Variants in ADAM9 observed in about 807,000 individuals in gnomAD.
ADAM9 encodes disintegrin and metalloproteinase domain-containing protein 9.
In ADAM9, 54 loss-of-function variants were observed where a neutral mutation model predicts 108.1. The ratio of observed to expected loss-of-function variants is 0.50; its 90% CI spans 0.40 to 0.63. ADAM9 has a LOEUF of 0.63. ADAM9 is among the 20% of genes least tolerant of loss of function. The pLI, the probability that ADAM9 is intolerant of heterozygous loss-of-function variation, is 0.00. For synonymous variants in ADAM9, 316 were observed against 336.0 expected, an observed-to-expected ratio of 0.94 and a Z score of 0.65; for missense variants, 830 against 997.7, an observed-to-expected ratio of 0.83 and a Z score of 2.26.
chr8:39,065,383 G>A (rs1281061235), intron 14 of ADAM9, among the ~76,000 whole-genome samples: 3 of 151,346 alleles, frequency 2.0e-5, no homozygotes, highest in African/African-American at 7.3e-5. Flanking sequence ...GGCCAGGCGC[G>A]GTGGCTCACG....
chr8:39,041,961 T>C lies in ADAM9; in HGVS notation c.1146T>C (p.Phe382=). 1.9e-6 allele frequency: 3 copies of C among 1,614,018 alleles called. No homozygotes were observed. The highest frequency in any genetic ancestry group is 2.7e-5 in the African/African-American group (2 of 75,054). Residue 382 remains phenylalanine, a synonymous_variant, in exon 12 of 22, where the codon TTT becomes TTC. Transcript: ENST00000487273. ...MNSGASGSRN[F]SSCSAEDFEK... is the part of the protein sequence containing the mutation. ...TTTATTATAGGGGTTCCAGAAACTTTAGCAGTTGCAGTGCAGAGGACTTTG... is the reference window on the plus strand; with the variant it reads ...TTTATTATAGGGGTTCCAGAAACTTCAGCAGTTGCAGTGCAGAGGACTTTG...
intron 8 of ADAM9, among the ~76,000 whole-genome samples, chr8:39,022,373 C>T (rs1001515115): frequency 6.6e-6 from 1 of 152,026 alleles, no homozygotes; most frequent in South Asian, 2.1e-4. Flanking sequence ...TTATCTGAAA[C>T]CTCTGATGTA....
chr8:39,088,988 G>A (rs1013794872), intron 18 of ADAM9, among the ~76,000 whole-genome samples: 1 of 152,116 alleles, frequency 6.6e-6, no homozygotes, highest in African/African-American at 2.4e-5. Context: ...GGTGGCTCAC[G>A]CCTGTAATCC....
chr8:39,013,932 A>C, intron 3 of ADAM9, 33 bp from the exon 4 acceptor site: 2 of 1,521,456 alleles, frequency 1.3e-6, no homozygotes, highest in Non-Finnish European at 1.8e-6. Context: ...GATAGATAAC[A>C]TATATATAAA....
At chr8:39,066,342 G>A (rs1164935652) in intron 14 of ADAM9, among the ~76,000 whole-genome samples, 2 of 152,194 alleles carry the variant, frequency 1.3e-5, no homozygotes, top group Non-Finnish European at 2.9e-5. Flanking sequence ...CTTCCACAAT[G>A]GTTGAACTAG....
chr8:39,033,752 TAAATATGG>T (rs1024437768), intron 11 of ADAM9, among the ~76,000 whole-genome samples: 131 of 152,310 alleles, frequency 8.6e-4, no homozygotes, highest in African/African-American at 3.1e-3. Context: ...CAAAGTTATT[TAAATATGG>T]AAAGAATGTG....
At chr8:39,021,220 A>G (rs1459813642) in intron 7 of ADAM9, among the ~76,000 whole-genome samples, 1 of 152,170 alleles carries the variant, frequency 6.6e-6, no homozygotes, top group African/African-American at 2.4e-5. Flanking sequence ...AAATGTCTAA[A>G]TGCCTCAATT....
intron 14 of ADAM9, among the ~76,000 whole-genome samples, chr8:39,068,449 T>G (rs10112379): frequency 0.14 from 20,866 of 151,484 alleles, 3,029 homozygotes; most frequent in African/African-American, 0.37. Context: ...CCGAGGCATG[T>G]GGATTGCCTG....
chr8:39,084,155 C>A (rs1006108835), intron 18 of ADAM9, among the ~76,000 whole-genome samples: 1 of 152,176 alleles, frequency 6.6e-6, no homozygotes, highest in African/African-American at 2.4e-5. Flanking sequence ...CTGTTTAAAT[C>A]TTTTTTCCAG....
intron 12 of ADAM9, 94 bp from the exon 13 acceptor site, chr8:39,054,387 A>C: frequency 1.8e-6 from 2 of 1,103,432 alleles, no homozygotes; most frequent in East Asian, 5.0e-5. Context: ...TCATGTTAGA[A>C]TGAAGTAGAT....
At chr8:39,044,582 TCAGCCCTCACTCTCCTCCTACCCTCTC>T (rs71552831) in intron 12 of ADAM9, among the ~76,000 whole-genome samples, 119,557 of 150,616 alleles carry the variant, frequency 0.79, 47,681 homozygotes, top group East Asian at 0.94. Flanking sequence ...AAATAATTTG[TCAGCCCTCACTCTCCTCCTACCCTCTC>T]CAGCCCTCAC....
chr8:39,018,114 G>C (rs1836604770), intron 6 of ADAM9, among the ~76,000 whole-genome samples: 1 of 152,156 alleles, frequency 6.6e-6, no homozygotes, highest in Non-Finnish European at 1.5e-5. Flanking sequence ...GTGTCTCTTA[G>C]ACTGAAATGG....
At chr8:39,043,813 A>T (rs1837529220) in intron 12 of ADAM9, among the ~76,000 whole-genome samples, 1 of 152,046 alleles carries the variant, frequency 6.6e-6, no homozygotes, top group Non-Finnish European at 1.5e-5. Context: ...AGTGTCTGTT[A>T]TTCCACTCTG....
rs1014885443 is a variant in ADAM9 at position 38,997,053 on chromosome 8, A to G, written c.-11A>G. On this transcript the variant is annotated 5_prime_UTR_variant, in exon 1 of 22. Coordinates refer to ENST00000487273, the MANE Select transcript of ADAM9 (RefSeq NM_003816.3). Reference sequence around the variant, plus strand: ...ACCGAGTGCTGAGAGGAACCTGCGGAATCGGCCGAGATGGGGTCTGGCGCG... The same window carrying G: ...ACCGAGTGCTGAGAGGAACCTGCGGGATCGGCCGAGATGGGGTCTGGCGCG... 6.2e-7 allele frequency: 1 copy of G among 1,605,940 alleles called. No homozygotes were observed. The highest frequency in any genetic ancestry group is 1.1e-5 in the South Asian group (1 of 90,974).
In ADAM9 at chr8:39,047,614, T is replaced by C. The variant is rs150566427; in HGVS notation, c.1302+5497T>C. On this transcript the variant is annotated intron_variant, in intron 12 of 21. Transcript: ENST00000487273. ...TTTATAGTAGTCTTTTATAATTCTT[T>C]TTATTTATGGCATCAGTTGAAATGT... Among the ~76,000 whole-genome samples the C allele has an allele frequency of 4.5e-3, 680 of 152,274 alleles. 3 individuals carry two copies. Among genetic ancestry groups the C allele is most frequent in the African/African-American group, 0.016 (650 of 41,570 alleles).
chr8:39,016,207 C>T lies in ADAM9; in HGVS notation c.410+13C>T. The T allele has an allele frequency of 1.9e-6, 3 of 1,605,498 alleles. No individual in the cohort carries two copies. Among genetic ancestry groups the T allele is most frequent in the Non-Finnish European group, 2.6e-6 (3 of 1,172,422 alleles). ...GTTTTGGACTCAGGTAAGCAATTTC[C>T]TTTATCTTCTTTTTTTTTGTTTCCC... is the stretch of plus-strand genomic sequence containing the variant. On this transcript the variant is annotated intron_variant, in intron 5 of 21. Transcript: ENST00000487273.
intron 14 of ADAM9, among the ~76,000 whole-genome samples, chr8:39,063,938 T>C (rs951909920): frequency 5.3e-5 from 8 of 152,210 alleles, no homozygotes; most frequent in Non-Finnish European, 1.0e-4. Flanking sequence ...ATCTCAGCTC[T>C]GCAACTACCG....
intron 1 of ADAM9, among the ~76,000 whole-genome samples, chr8:39,005,712 A>T (rs144526872): frequency 5.3e-4 from 81 of 152,322 alleles, no homozygotes; most frequent in African/African-American, 1.9e-3. Context: ...GGTGTACTAT[A>T]GTTCTTGAAA....
chr8:39,027,257 T>C (rs913917457), intron 11 of ADAM9, among the ~76,000 whole-genome samples: 2 of 152,208 alleles, frequency 1.3e-5, no homozygotes, highest in Admixed American at 1.3e-4. Flanking sequence ...AAACCTCTTT[T>C]TGAGAAAGTG....
Sources: gnomAD v4.1 joint callset for allele counts (sites outside exome capture counted in the v4.1 genomes callset) on GRCh38, gnomAD v4.1.1 for gene constraint, MANE v1.5 for transcripts, NCBI Gene and HGNC (gene_info 2026-07-23, HGNC 2026-07-21) for gene names.